MAP1LC3B: variants seen among roughly 807,000 people sequenced by gnomAD.
MAP1LC3B encodes the protein microtubule-associated protein 1 light chain 3 beta.
MAP1LC3B carries 12 observed loss-of-function variants against 16.7 expected under a neutral mutation model. That is an observed-to-expected ratio of 0.72 (90% CI 0.46 to 1.16). The LOEUF (loss-of-function observed/expected upper bound fraction) is 1.16. Among genes scored for constraint, MAP1LC3B ranks in the 50% most tolerant of loss-of-function variants. MAP1LC3B has a pLI of 0.00. For synonymous variants in MAP1LC3B, 63 were observed against 56.5 expected (o/e 1.11, Z -0.51); for missense variants, 155 against 159.5 (o/e 0.97, Z 0.15).
At chr16:87,401,851 G>C (rs540452446) in intron 2 of MAP1LC3B, among the ~76,000 whole-genome samples, 31 of 129,668 alleles carry the variant, frequency 2.4e-4, no homozygotes, top group African/African-American at 8.3e-4. Context: ...TTTTTTTTTT[G>C]AGATGGAGTC....
intron 1 of MAP1LC3B, 121 bp from the exon 2 acceptor site, chr16:87,398,694 A>T: frequency 1.2e-6 from 1 of 816,446 alleles, no homozygotes. Context: ...CCTAGGAAAG[A>T]TGTCTTCAGT....
chr16:87,400,539 G>C (rs1224525547), intron 2 of MAP1LC3B, among the ~76,000 whole-genome samples: 1 of 152,006 alleles, frequency 6.6e-6, no homozygotes, highest in Non-Finnish European at 1.5e-5. Flanking sequence ...AAAGTACCAG[G>C]TCATTATGCA....
intron 1 of MAP1LC3B, among the ~76,000 whole-genome samples, chr16:87,398,025 AT>A (rs766029599): frequency 1.8e-3 from 263 of 143,518 alleles, no homozygotes; most frequent in Middle Eastern, 7.4e-3. Flanking sequence ...GGAGAAAAGA[AT>A]TTTTTTTTTT....
intron 1 of MAP1LC3B, among the ~76,000 whole-genome samples, chr16:87,397,859 C>CT (rs929349531): frequency 0.02 from 2,873 of 143,916 alleles, 28 homozygotes; most frequent in Middle Eastern, 0.036. Flanking sequence ...CACATATTGC[C>CT]TTTTTTTTTT....
At chr16:87,392,545 G>A (rs1907621542) in intron 1 of MAP1LC3B, 78 bp downstream of exon 1, 1 of 1,193,176 alleles carries the variant, frequency 8.4e-7, no homozygotes, top group Non-Finnish European at 1.0e-6. Context: ...CTGGGACGCC[G>A]TGAGGGGTCG....
At position 87,392,473 on chromosome 16, in the gene MAP1LC3B, T is replaced by C; in HGVS notation, c.40+6T>C. On this transcript the variant is annotated splice_donor_region_variant and intron_variant, in intron 1 of 3. Transcript: ENST00000268607. ...CAAGCAGCGCCGCACCTTCGGTGAG[T>C]GTCGCCGCGAGGGCGGCGGGTGCGG... 1 of 1,317,970 alleles carries C rather than the reference T, an allele frequency of 7.6e-7. No individual in the cohort carries two copies. The highest frequency in any genetic ancestry group is 9.6e-7 in the Non-Finnish European group (1 of 1,039,048). 81.6% of individuals were successfully genotyped at this position (1,317,970 alleles called of 1,614,324 possible).
rs902036021 is a variant in MAP1LC3B at position 87,392,350 on chromosome 16, C to G, written c.-78C>G. On this transcript the variant is annotated 5_prime_UTR_variant, in exon 1 of 4. Coordinates refer to ENST00000268607, the MANE Select transcript of MAP1LC3B (RefSeq NM_022818.5). ...TGGCTATCGCCAGAGTCGGATTCGC[C>G]GCCGCAGCAGCCGCCGCCCCCGGGA... 20 of 1,337,298 alleles carry G rather than the reference C, an allele frequency of 1.5e-5. No homozygotes were observed. The highest frequency in any genetic ancestry group is 4.0e-5 in the Admixed American group (1 of 24,820). 82.8% of individuals were successfully genotyped at this position (1,337,298 alleles called of 1,614,324 possible). A position where few individuals can be genotyped will look rare whatever the true frequency, so the allele number is the denominator to read the frequency against.
Position 87,392,435 on chromosome 16 carries a change from C to T in MAP1LC3B, c.8C>T (p.Ser3Leu), listed in dbSNP as rs536459957. The T allele has an allele frequency of 4.4e-4, 623 of 1,417,492 alleles. 10 individuals are homozygous for T. The South Asian group carries it at 8.5e-3, about 19-fold the overall frequency. 87.8% of individuals were successfully genotyped at this position (1,417,492 alleles called of 1,614,324 possible). A position where few individuals can be genotyped will look rare whatever the true frequency, so the allele number is the denominator to read the frequency against. MP[S>L]EKTFKQRRTF... ...CGCCCAGATCCCTGCACCATGCCGT[C>T]GGAGAAGACCTTCAAGCAGCGCCGC... The change falls in exon 1 of 4, where the codon TCG becomes TTG. Residue 3 changes from serine to leucine, a missense_variant. By Grantham distance (145) the Ser-to-Leu change is moderately radical. Coordinates refer to ENST00000268607, the MANE Select transcript of MAP1LC3B (RefSeq NM_022818.5).
At chr16:87,398,099 T>G (rs1217098325) in intron 1 of MAP1LC3B, among the ~76,000 whole-genome samples, 1 of 152,086 alleles carries the variant, frequency 6.6e-6, no homozygotes, top group Non-Finnish European at 1.5e-5. Flanking sequence ...GTCCGCTCAC[T>G]GCAACCTCCG....
intron 1 of MAP1LC3B, among the ~76,000 whole-genome samples, chr16:87,394,721 G>T (rs1409950605): frequency 6.6e-6 from 1 of 152,188 alleles, no homozygotes; most frequent in African/African-American, 2.4e-5. Flanking sequence ...AAGACTGTGT[G>T]AGTCAGGAGA....
At chr16:87,392,884 G>C (rs1393301623) in intron 1 of MAP1LC3B, 3 of 152,142 alleles carry the variant, frequency 2.0e-5, no homozygotes, top group African/African-American at 7.2e-5. Context: ...CAGCCCCCGG[G>C]GCCGCGCTGG....
chr16:87,396,173 C>T (rs1378543442), intron 1 of MAP1LC3B, among the ~76,000 whole-genome samples: 2 of 151,506 alleles, frequency 1.3e-5, no homozygotes, highest in South Asian at 2.1e-4. Context: ...ACCTAGTTTC[C>T]TATATTAAAA....
chr16:87,402,868 C>T (rs1030888180), intron 3 of MAP1LC3B, 55 bp from the exon 4 acceptor site: 51 of 1,600,278 alleles, frequency 3.2e-5, no homozygotes, highest in Non-Finnish European at 4.3e-5. Flanking sequence ...TTAACACATG[C>T]TTCATCCTTC....
chr16:87,401,534 CTATTT>C (rs1327575238), intron 2 of MAP1LC3B, among the ~76,000 whole-genome samples: 1 of 152,174 alleles, frequency 6.6e-6, no homozygotes, highest in Non-Finnish European at 1.5e-5. Flanking sequence ...TTGTTGATGA[CTATTT>C]TATTTATTTA....
chr16:87,392,543 C>T, intron 1 of MAP1LC3B, 76 bp downstream of exon 1: 2 of 1,198,098 alleles, frequency 1.7e-6, no homozygotes, highest in Admixed American at 4.4e-5. Context: ...GCCTGGGACG[C>T]CGTGAGGGGT....
At chr16:87,402,314 C>T in intron 3 of MAP1LC3B, 33 bp downstream of exon 3, 1 of 1,576,096 alleles carries the variant, frequency 6.3e-7, no homozygotes, top group South Asian at 1.1e-5. Flanking sequence ...TAATATATTT[C>T]CTTTGAGTAA....
chr16:87,392,357 G>A lies in MAP1LC3B; in HGVS notation c.-71G>A. 2 of 1,353,212 alleles carry A rather than the reference G, an allele frequency of 1.5e-6. No homozygotes were observed. Among genetic ancestry groups the A allele is most frequent in the Non-Finnish European group, 1.9e-6 (2 of 1,055,226 alleles). 83.8% of individuals were successfully genotyped at this position (1,353,212 alleles called of 1,614,324 possible). On this transcript the variant is annotated 5_prime_UTR_variant, in exon 1 of 4. Coordinates refer to ENST00000268607, the MANE Select transcript of MAP1LC3B (RefSeq NM_022818.5). Reference sequence around the variant, plus strand: ...CGCCAGAGTCGGATTCGCCGCCGCAGCAGCCGCCGCCCCCGGGAGCCGCCG... The same window carrying A: ...CGCCAGAGTCGGATTCGCCGCCGCAACAGCCGCCGCCCCCGGGAGCCGCCG...
rs1294076302 is a variant in MAP1LC3B, at chr16:87,403,092, G to A, written c.373G>A (p.Val125Met). 1 of 1,589,666 alleles carries A rather than the reference G, an allele frequency of 6.3e-7. No homozygotes were observed. Among genetic ancestry groups the A allele is most frequent in the South Asian group, 1.2e-5 (1 of 86,278 alleles). ...GGAGACGTTCGGGATGAAATTGTCA[G>A]TGTAAAACCAGAAAAAATGCAGCTC... ...SQETFGMKLS[V>M] The change falls in exon 4 of 4, where the codon GTG becomes ATG. Residue 125 changes from valine (V) to methionine (M), a missense_variant. Coordinates refer to ENST00000268607, the MANE Select transcript of MAP1LC3B (RefSeq NM_022818.5).
chr16:87,402,252 C>A lies in MAP1LC3B; in HGVS notation c.174C>A (p.Val58=). ...CAAAGTTCCTTGTACCTGACCATGT[C>A]AACATGAGTGAGCTCATCAAGATAA... The part of the protein sequence containing the change: ...DKTKFLVPDH[V]NMSELIKIIR... The change falls in exon 3 of 4, where the codon GTC becomes GTA. Residue 58 remains valine, a synonymous_variant. Coordinates refer to ENST00000268607, the MANE Select transcript of MAP1LC3B (RefSeq NM_022818.5). 6.2e-7 allele frequency: 1 copy of A among 1,614,114 alleles called. No homozygotes were observed. Among genetic ancestry groups the A allele is most frequent in the Non-Finnish European group, 8.5e-7 (1 of 1,180,004 alleles).
Sources: gnomAD v4.1 joint callset for allele counts (sites outside exome capture counted in the v4.1 genomes callset) on GRCh38, gnomAD v4.1.1 for gene constraint, MANE v1.5 for transcripts, NCBI Gene and HGNC (gene_info 2026-07-23, HGNC 2026-07-21) for gene names.